GATC: variants seen among roughly 807,000 people sequenced by gnomAD.
GATC encodes the protein glutamyl-tRNA(Gln) amidotransferase subunit C, mitochondrial.
A neutral mutation model predicts 14.4 loss-of-function variants in GATC; 11 were observed. The ratio of observed to expected loss-of-function variants is 0.77; its 90% CI spans 0.48 to 1.27. GATC has a LOEUF of 1.27. Ranked by LOEUF, GATC falls within the 50% of genes most tolerant of loss-of-function variation. The pLI is 0.00. For missense variants in GATC, 204 were observed against 183.0 expected, an observed-to-expected ratio of 1.11 and a Z score of -0.66; for synonymous variants, 76 against 79.3, an observed-to-expected ratio of 0.96 and a Z score of 0.22.
intron 2 of GATC, among the ~76,000 whole-genome samples, chr12:120,455,488 C>T (rs1034883715): frequency 2.6e-5 from 4 of 151,780 alleles, no homozygotes; most frequent in Non-Finnish European, 5.9e-5. Flanking sequence ...CACACCCCGC[C>T]GCCCCCCTCC....
In GATC at chr12:120,460,219, G is replaced by GT. The variant is rs1458381641; in HGVS notation, c.*261dup. The GT allele has an allele frequency of 9.1e-6, 3 of 331,074 alleles. No homozygotes were observed. The highest frequency in any genetic ancestry group is 1.7e-5 in the Non-Finnish European group (3 of 175,816). 20.5% of individuals were successfully genotyped at this position (331,074 alleles called of 1,614,324 possible). Reference sequence around the variant, plus strand: ...GGAATTCACTTAACAGGCCTGTTCAGTATGGAAGACATTATTTATCTGCCT... The same window carrying GT: ...GGAATTCACTTAACAGGCCTGTTCAGTTATGGAAGACATTATTTATCTGCCT... On this transcript the variant is annotated 3_prime_UTR_variant, in exon 4 of 4. Coordinates refer to ENST00000551765, the MANE Select transcript of GATC (RefSeq NM_176818.3).
intron 2 of GATC, among the ~76,000 whole-genome samples, chr12:120,451,895 T>TTTTTTTTTTTTTTTTTGTGG (rs1878062112): frequency 6.9e-6 from 1 of 143,988 alleles, no homozygotes. Context: ...TTTTTTTTTT[T>TTTTTTTTTTTTTTTTTGTGG]GAGCTGGAGT....
chr12:120,450,434 CAGTT>C (rs1469440569), intron 2 of GATC: 1 of 152,132 alleles, frequency 6.6e-6, no homozygotes, highest in African/African-American at 2.4e-5. Context: ...TGATGATCAG[CAGTT>C]AGTTCCCATC....
chr12:120,457,938 C>CCTTT (rs112080096), intron 3 of GATC, among the ~76,000 whole-genome samples: 4,562 of 151,486 alleles, frequency 0.03, 228 homozygotes, highest in African/African-American at 0.1. Flanking sequence ...CACATCTTTG[C>CCTTT]CTATGACATG....
Position 120,461,756 on chromosome 12 carries a change from C to T in GATC, c.*1797C>T. The T allele has an allele frequency of 3.3e-6, 1 of 306,942 alleles. No homozygotes were observed. 19.0% of individuals were successfully genotyped at this position (306,942 alleles called of 1,614,324 possible). A position where few individuals can be genotyped will look rare whatever the true frequency, so the allele number is the denominator to read the frequency against. ...TTGATCTCCATAGTAGAGCAACCCA[C>T]AAAGACAGAACTGATTTTTTTCCCA... is the stretch of plus-strand genomic sequence containing the variant. On this transcript the variant is annotated 3_prime_UTR_variant, in exon 4 of 4. Transcript: ENST00000551765.
At chr12:120,456,899 T>G (rs1026235007) in intron 2 of GATC, among the ~76,000 whole-genome samples, 177 bp from the exon 3 acceptor site, 2 of 152,170 alleles carry the variant, frequency 1.3e-5, no homozygotes, top group African/African-American at 4.8e-5. Flanking sequence ...GTTCGGTCAA[T>G]CTATAAACTG....
intron 2 of GATC, among the ~76,000 whole-genome samples, chr12:120,447,601 C>G (rs1435572142): frequency 6.6e-6 from 1 of 152,124 alleles, no homozygotes; most frequent in Non-Finnish European, 1.5e-5. Flanking sequence ...AAGGGCTCTC[C>G]TAACCACTCC....
Position 120,459,976 on chromosome 12 carries a change from A to AG in GATC, c.*22dup. 6.2e-7 allele frequency: 1 copy of AG among 1,600,756 alleles called. No individual in the cohort carries two copies. Among genetic ancestry groups the AG allele is most frequent in the Non-Finnish European group, 8.6e-7 (1 of 1,168,370 alleles). ...CACAGCTGAGTAGCTCATTCTGGAA[A>AG]GGGGGTACTCTGTGAACATGTGGAA... On this transcript the variant is annotated 3_prime_UTR_variant, in exon 4 of 4. Coordinates refer to ENST00000551765, the MANE Select transcript of GATC (RefSeq NM_176818.3).
chr12:120,455,370 C>T (rs1432861070), intron 2 of GATC, among the ~76,000 whole-genome samples: 7 of 151,858 alleles, frequency 4.6e-5, no homozygotes, highest in Non-Finnish European at 7.4e-5. Context: ...GGTTTCCCCA[C>T]GTTGCCCAGG....
intron 3 of GATC, 66 bp from the exon 4 acceptor site, chr12:120,459,841 C>A: frequency 1.6e-6 from 2 of 1,281,158 alleles, no homozygotes; most frequent in Non-Finnish European, 2.2e-6. Flanking sequence ...TGGGCAACAG[C>A]GAGACTCTGT....
intron 3 of GATC, 32 bp downstream of exon 3, chr12:120,457,211 G>C: frequency 2.1e-6 from 3 of 1,444,214 alleles, no homozygotes; most frequent in Non-Finnish European, 2.9e-6. Context: ...TTAACAGATA[G>C]TCTCACAGTA....
chr12:120,446,803 G>T lies in GATC; in HGVS notation c.228G>T (p.Glu76Asp). The change falls in exon 2 of 4, where the codon GAG (glutamate) becomes GAT (aspartate). Residue 76 changes from glutamate to aspartate, a missense_variant. Glu to Asp is a conservative substitution (Grantham distance 45). Transcript: ENST00000551765. ...RLRAVDTDGV[E>D]PMESVLEDRC... The stretch of plus-strand genomic sequence containing the variant: ...GCGCCGTGGACACAGACGGGGTGGA[G>T]CCCATGGAATCGGTCCTGGAGGACA... 6.2e-7 allele frequency: 1 copy of T among 1,613,348 alleles called. No individual in the cohort carries two copies. The highest frequency in any genetic ancestry group is 8.5e-7 in the Non-Finnish European group (1 of 1,179,702).
intron 2 of GATC, among the ~76,000 whole-genome samples, chr12:120,455,631 T>C (rs1258084423): frequency 6.6e-6 from 1 of 152,162 alleles, no homozygotes; most frequent in Non-Finnish European, 1.5e-5. Context: ...AGCTTTGGGC[T>C]GGGTGCCACA....
At chr12:120,448,120 C>A (rs1268695307) in intron 2 of GATC, among the ~76,000 whole-genome samples, 1 of 152,110 alleles carries the variant, frequency 6.6e-6, no homozygotes, top group Non-Finnish European at 1.5e-5. Context: ...CGGGGTCTCA[C>A]TATGTTGCCC....
intron 2 of GATC, 35 bp from the exon 3 acceptor site, chr12:120,457,041 C>A: frequency 6.9e-7 from 1 of 1,454,582 alleles, no homozygotes; most frequent in Non-Finnish European, 9.7e-7. Context: ...GCCCCCTTCT[C>A]TGAGAGGGTA....
intron 3 of GATC, among the ~76,000 whole-genome samples, chr12:120,458,143 G>T (rs1338720051): frequency 1.3e-5 from 2 of 150,622 alleles, no homozygotes; most frequent in African/African-American, 4.9e-5. Context: ...GGTCACCCAG[G>T]CTGGAGTGCA....
Position 120,447,955 on chromosome 12 carries a change from A to G in GATC, c.254+1126A>G, listed in dbSNP as rs141896769. Among the ~76,000 whole-genome samples the G allele has an allele frequency of 1.5e-4, 23 of 151,990 alleles. No individual in the cohort carries two copies. In the East Asian group the frequency reaches 4.3e-3, roughly 28 times the overall value. On this transcript the variant is annotated intron_variant, in intron 2 of 3. Transcript: ENST00000551765. ...TTTTTGATAGAGACGGGATTTTGCC[A>G]TGTTCCCCAGGCTTGTCTGGACTCC...
At chr12:120,458,516 T>G (rs1565915108) in intron 3 of GATC, among the ~76,000 whole-genome samples, 1 of 152,226 alleles carries the variant, frequency 6.6e-6, no homozygotes, top group Non-Finnish European at 1.5e-5. Context: ...GTATAGAGAT[T>G]TGCATCATCT....
intron 2 of GATC, chr12:120,454,814 G>A (rs937710420): frequency 5.7e-6 from 1 of 173,952 alleles, no homozygotes; most frequent in African/African-American, 2.5e-5. Flanking sequence ...TTTTACTTTT[G>A]TTCTCCCAAG....
Sources: gnomAD v4.1 joint callset for allele counts (sites outside exome capture counted in the v4.1 genomes callset) on GRCh38, gnomAD v4.1.1 for gene constraint, MANE v1.5 for transcripts, NCBI Gene and HGNC (gene_info 2026-07-23, HGNC 2026-07-21) for gene names.